DLGAP1: variants seen among roughly 807,000 people sequenced by gnomAD.
DLGAP1 encodes DLG associated protein 1.
In DLGAP1, 11 loss-of-function variants were observed where a neutral mutation model predicts 90.8. That is an observed-to-expected ratio of 0.12 (90% CI 0.08 to 0.20). The LOEUF is 0.20. Among genes scored for constraint, DLGAP1 ranks in the 10% least tolerant of loss-of-function variants. DLGAP1 has a pLI of 1.00. For synonymous variants in DLGAP1, 558 were observed against 540.7 expected, an observed-to-expected ratio of 1.03 and a Z score of -0.44; for missense variants, 1,050 against 1,333.8, an observed-to-expected ratio of 0.79 and a Z score of 3.31.
Position 3,631,273 on chromosome 18 carries a change from C to T in DLGAP1, c.1592-49025G>A, listed in dbSNP as rs115425635. ...TGCTGGCATTACAGGTGTGAGCCAC[C>T]GTGCCTGGCTGACTCTTTTTATATG... On this transcript the variant is annotated intron_variant, in intron 7 of 12. Transcript: ENST00000315677. Among the ~76,000 whole-genome samples the T allele has an allele frequency of 3.2e-3, 483 of 152,150 alleles. 5 individuals are homozygous for T. The highest frequency in any genetic ancestry group is 0.011 in the African/African-American group (468 of 41,494).
intron 1 of DLGAP1, among the ~76,000 whole-genome samples, chr18:4,448,614 G>T (rs1214991499): frequency 5.9e-5 from 9 of 152,138 alleles, no homozygotes; most frequent in African/African-American, 2.2e-4. Flanking sequence ...AAGCTGAATG[G>T]TAGATGTGGT....
rs868350764 is a variant in DLGAP1 at position 3,572,157 on chromosome 18, C to T, written c.1966-4576G>A. Among the ~76,000 whole-genome samples, 31 of 147,996 alleles carry T rather than the reference C, an allele frequency of 2.1e-4. No individual in the cohort carries two copies. The Middle Eastern group carries it at 0.019, about 90-fold the overall frequency. ...GCAATGGCGCGATCTCGGCTCACCG[C>T]AACCTACCCCTCCGGGATTCAAGCG... On this transcript the variant is annotated intron_variant, in intron 8 of 12. Transcript: ENST00000315677.
chr18:3,764,702 GA>G (rs2064136909), intron 5 of DLGAP1, among the ~76,000 whole-genome samples: 1 of 152,164 alleles, frequency 6.6e-6, no homozygotes, highest in African/African-American at 2.4e-5. Flanking sequence ...TTCTCTTCGG[GA>G]AAGTGAGATG....
chr18:3,681,479 T>C (rs2060511380), intron 7 of DLGAP1, among the ~76,000 whole-genome samples: 1 of 152,212 alleles, frequency 6.6e-6, no homozygotes, highest in African/African-American at 2.4e-5. Flanking sequence ...CTTATATGAT[T>C]GAAAACAATG....
intron 3 of DLGAP1, among the ~76,000 whole-genome samples, chr18:3,921,941 T>C (rs1680694978): frequency 6.6e-6 from 1 of 152,064 alleles, no homozygotes; most frequent in Non-Finnish European, 1.5e-5. Flanking sequence ...GAGTGCTCTA[T>C]TGAGAGATCT....
At chr18:3,965,259 G>A (rs1761364695) in intron 3 of DLGAP1, among the ~76,000 whole-genome samples, 1 of 152,166 alleles carries the variant, frequency 6.6e-6, no homozygotes, top group Non-Finnish European at 1.5e-5. Flanking sequence ...TTAAAGTGAA[G>A]GATATTCTGG....
intron 1 of DLGAP1, among the ~76,000 whole-genome samples, chr18:4,154,779 G>C (rs916535230): frequency 1.3e-5 from 2 of 152,120 alleles, no homozygotes; most frequent in Admixed American, 1.3e-4. Flanking sequence ...AGGTTAGTAT[G>C]AGGAACAAGG....
intron 2 of DLGAP1, among the ~76,000 whole-genome samples, chr18:4,150,434 T>C (rs2076656277): frequency 1.3e-5 from 2 of 152,098 alleles, no homozygotes; most frequent in African/African-American, 4.8e-5. Context: ...TCTGTCACCC[T>C]GGCTGGAGTG....
intron 7 of DLGAP1, among the ~76,000 whole-genome samples, chr18:3,628,081 G>A (rs1484249915): frequency 6.6e-6 from 1 of 151,720 alleles, no homozygotes; most frequent in Non-Finnish European, 1.5e-5. Flanking sequence ...TCACTATGTT[G>A]GCCAGGCTGG....
intron 1 of DLGAP1, among the ~76,000 whole-genome samples, chr18:4,259,792 A>T (rs1167695773): frequency 6.6e-6 from 1 of 152,216 alleles, no homozygotes. Context: ...CAAGGGGTCT[A>T]TTGTGCCCTT....
At chr18:4,335,174 G>A (rs1456685177) in intron 1 of DLGAP1, among the ~76,000 whole-genome samples, 1 of 151,920 alleles carries the variant, frequency 6.6e-6, no homozygotes, top group Non-Finnish European at 1.5e-5. Flanking sequence ...ATCCCAATAG[G>A]AGCATATTTC....
chr18:4,064,576 A>G (rs568497236), intron 2 of DLGAP1, among the ~76,000 whole-genome samples: 42 of 152,246 alleles, frequency 2.8e-4, no homozygotes, highest in Admixed American at 9.8e-4. Flanking sequence ...CTTTATGCAC[A>G]TAACTTAGAA....
chr18:4,097,036 A>G (rs1341497694), intron 2 of DLGAP1, among the ~76,000 whole-genome samples: 1 of 152,210 alleles, frequency 6.6e-6, no homozygotes, highest in African/African-American at 2.4e-5. Flanking sequence ...TTTCAAATCC[A>G]GCTTATCTTC....
At chr18:3,654,089 G>A (rs1344116223) in intron 7 of DLGAP1, 2 of 152,200 alleles carry the variant, frequency 1.3e-5, no homozygotes, top group African/African-American at 2.4e-5. Flanking sequence ...ATTCTAACAC[G>A]GTTACAACAC....
At chr18:3,596,859 C>T (rs371608071) in intron 7 of DLGAP1, 4 of 520,102 alleles carry the variant, frequency 7.7e-6, no homozygotes, top group Non-Finnish European at 1.2e-5. Flanking sequence ...GTCACCAGAG[C>T]CCCCTCGTGT....
At position 4,323,123 on chromosome 18, in the gene DLGAP1, G is replaced by T. The variant is rs114718726; in HGVS notation, c.-267+131883C>A. The stretch of plus-strand genomic sequence containing the variant: ...AAAACAAATAATCTGATTAAAAAGC[G>T]AGCAAAGGATTTGAAGGGACAATTA... On this transcript the variant is annotated intron_variant, in intron 1 of 12. Transcript: ENST00000315677. 7.5e-3 allele frequency among the ~76,000 whole-genome samples: 1,141 copies of T among 152,066 alleles called. 18 individuals carry two copies. The highest frequency in any genetic ancestry group is 0.026 in the African/African-American group (1,081 of 41,494).
intron 7 of DLGAP1, among the ~76,000 whole-genome samples, chr18:3,631,075 G>T (rs2058508165): frequency 6.6e-6 from 1 of 151,982 alleles, no homozygotes; most frequent in Non-Finnish European, 1.5e-5. Context: ...CTGCCTGCTG[G>T]GTTCAAGCAA....
At chr18:3,772,346 CTCTTTCTTTCTTTCTTTCTTTCTTTCTT>C (rs869167707) in intron 5 of DLGAP1, among the ~76,000 whole-genome samples, 17 of 14,248 alleles carry the variant, frequency 1.2e-3, no homozygotes, top group African/African-American at 3.6e-3. Context: ...CTCTCTCTCT[CTCTTTCTTTCTTTCTTTCTTTCTTTCTT>C]TCTTTCTTTC....
intron 2 of DLGAP1, among the ~76,000 whole-genome samples, chr18:4,057,028 C>T (rs1413154655): frequency 6.7e-6 from 1 of 149,714 alleles, no homozygotes; most frequent in African/African-American, 2.5e-5. Flanking sequence ...CACACACACA[C>T]ACACACACAC....
Sources: allele counts gnomAD v4.1 joint callset (sites outside exome capture counted in the v4.1 genomes callset), GRCh38; gene constraint gnomAD v4.1.1; transcripts MANE v1.5; gene names NCBI Gene and HGNC (gene_info 2026-07-23, HGNC 2026-07-21).